Variants in MCM3AP observed in about 807,000 individuals in gnomAD.
MCM3AP encodes germinal-center associated nuclear protein.
Under a neutral mutation model 184.1 loss-of-function variants are expected in MCM3AP, and 126 were observed. The ratio of observed to expected loss-of-function variants is 0.68; its 90% confidence interval spans 0.59 to 0.79. The LOEUF is 0.79. Ranked by LOEUF, MCM3AP falls within the 30% of genes least tolerant of loss-of-function variation. The pLI is 0.00. For synonymous variants in MCM3AP, 1,002 were observed against 979.3 expected (o/e 1.02, Z -0.43); for missense variants, 2,496 against 2,479.2 (o/e 1.01, Z -0.14).
At chr21:46,252,382 A>G (rs919175937) in intron 19 of MCM3AP, 2 of 152,214 alleles carry the variant, frequency 1.3e-5, no homozygotes, top group African/African-American at 4.8e-5. Context: ...AAATGAGAAG[A>G]CAGCTATTTT....
intron 8 of MCM3AP, among the ~76,000 whole-genome samples, chr21:46,272,031 G>C (rs2081187336): frequency 6.6e-6 from 1 of 151,846 alleles, no homozygotes. Flanking sequence ...CAAGCAGAGG[G>C]TCCACCACAA....
chr21:46,251,885 T>A, intron 19 of MCM3AP: 2 of 291,900 alleles, frequency 6.9e-6, no homozygotes, highest in South Asian at 9.3e-5. Context: ...CTCGTTCTTT[T>A]TTTTTTTTTT....
At chr21:46,254,547 T>C in intron 18 of MCM3AP, 21 bp from the exon 19 acceptor site, 1 of 1,613,774 alleles carries the variant, frequency 6.2e-7, no homozygotes. Flanking sequence ...CAGACCACCG[T>C]GGATTAGCCA....
chr21:46,247,187 C>T (rs1201316076), intron 20 of MCM3AP: 3 of 300,440 alleles, frequency 1.0e-5, no homozygotes, highest in Admixed American at 4.5e-5. Flanking sequence ...TTGCTGGGCT[C>T]GAGCAGTCCT....
chr21:46,282,575 C>T (rs2081347141), intron 2 of MCM3AP, among the ~76,000 whole-genome samples: 1 of 152,072 alleles, frequency 6.6e-6, no homozygotes, highest in Non-Finnish European at 1.5e-5. Context: ...GAGGCCGAGG[C>T]AGGCAGATCG....
chr21:46,250,133 TTAAG>T lies in MCM3AP; in HGVS notation c.4290+1392_4290+1395del, dbSNP rs1299273929. The T allele has an allele frequency of 5.3e-5, 8 of 150,156 alleles. No homozygotes were observed. In the East Asian group the frequency reaches 1.5e-3, roughly 29 times the overall value. 9.3% of individuals were successfully genotyped at this position (150,156 alleles called of 1,614,324 possible). ...AATTAAAGAGATAAAGAGAACTACA[TTAAG>T]TGAGACAATAAGGCAACTCTATTTC... On this transcript the variant is annotated intron_variant, in intron 20 of 27. Coordinates refer to ENST00000291688, the MANE Select transcript of MCM3AP (RefSeq NM_003906.5).
At chr21:46,276,135 C>G (rs2081251693) in intron 5 of MCM3AP, among the ~76,000 whole-genome samples, 1 of 151,924 alleles carries the variant, frequency 6.6e-6, no homozygotes, top group Non-Finnish European at 1.5e-5. Flanking sequence ...GGCTGTAGTC[C>G]CAGCTACTCA....
chr21:46,283,518 T>C (rs918691272), intron 2 of MCM3AP, 97 bp downstream of exon 2: 5 of 730,184 alleles, frequency 6.8e-6, no homozygotes, highest in Admixed American at 2.5e-5. Context: ...CTCTATATTA[T>C]AGTAAGCAAA....
chr21:46,271,911 T>C (rs896763046), intron 8 of MCM3AP, among the ~76,000 whole-genome samples: 1 of 151,736 alleles, frequency 6.6e-6, no homozygotes, highest in Non-Finnish European at 1.5e-5. Flanking sequence ...CTAGATATTC[T>C]GTCACACAGT....
intron 14 of MCM3AP, among the ~76,000 whole-genome samples, 155 bp from the exon 15 acceptor site, chr21:46,261,061 C>T (rs2081035148): frequency 6.6e-6 from 1 of 152,230 alleles, no homozygotes; most frequent in Non-Finnish European, 1.5e-5. Context: ...ACCTCCCTTC[C>T]CCTGCCTTTC....
At chr21:46,266,299 G>A (rs149024257) in intron 10 of MCM3AP, 133 bp from the exon 11 acceptor site, 27,994 of 1,014,626 alleles carry the variant, frequency 0.028, 513 homozygotes, top group Non-Finnish European at 0.033. Context: ...AAGCACAGGC[G>A]CCAGGTCCCA....
intron 20 of MCM3AP, chr21:46,250,058 T>G (rs571659370): frequency 1.3e-5 from 2 of 152,840 alleles, no homozygotes; most frequent in East Asian, 3.9e-4. Flanking sequence ...TCAAGTGAAG[T>G]GACAGAACAT....
intron 14 of MCM3AP, 130 bp from the exon 15 acceptor site, chr21:46,261,036 A>G: frequency 1.2e-6 from 1 of 828,700 alleles, no homozygotes; most frequent in East Asian, 2.6e-5. Flanking sequence ...CCCCTACTCC[A>G]GCTCCCCTGA....
At chr21:46,262,157 G>C (rs1251676937) in intron 13 of MCM3AP, among the ~76,000 whole-genome samples, 1 of 152,178 alleles carries the variant, frequency 6.6e-6, no homozygotes, top group South Asian at 2.1e-4. Flanking sequence ...CCTATAACTA[G>C]TAAGGAGACT....
At position 46,264,616 on chromosome 21, in the gene MCM3AP, T is replaced by A. The variant is rs114374928; in HGVS notation, c.3235-399A>T. 1.8e-3 allele frequency among the ~76,000 whole-genome samples: 281 copies of A among 152,286 alleles called. 2 individuals carry two copies. The highest frequency in any genetic ancestry group is 6.5e-3 in the African/African-American group (272 of 41,554). On this transcript the variant is annotated intron_variant, in intron 12 of 27. Transcript: ENST00000291688. ...AGGCTCTACTCAATATCAAGGCACC[T>A]GTCGGGACCATGCCCACCCTGAGGC...
At chr21:46,253,142 A>C (rs2080898334) in intron 19 of MCM3AP, 2 of 676 alleles carry the variant, frequency 3.0e-3, no homozygotes, top group Non-Finnish European at 4.7e-3. Context: ...ACCCTGTCTC[A>C]AAAAAACACA....
intron 19 of MCM3AP, chr21:46,252,324 T>C (rs563368002): frequency 6.6e-6 from 1 of 152,166 alleles, no homozygotes; most frequent in Non-Finnish European, 1.5e-5. Flanking sequence ...AGATCAAATT[T>C]CTCATACCTG....
At chr21:46,247,248 T>C (rs1466483139) in intron 20 of MCM3AP, 2 of 210,410 alleles carry the variant, frequency 9.5e-6, no homozygotes, top group Admixed American at 5.2e-5. Flanking sequence ...GGAGCCACCA[T>C]GCCTAGCTTC....
rs778311952 is a variant in MCM3AP at position 46,254,759 on chromosome 21, G to A, written c.4001+17C>T. 1.1e-5 allele frequency: 17 copies of A among 1,610,162 alleles called. No homozygotes were observed. The highest frequency in any genetic ancestry group is 8.3e-5 in the Admixed American group (5 of 60,002). On this transcript the variant is annotated intron_variant, in intron 18 of 27. Coordinates refer to ENST00000291688, the MANE Select transcript of MCM3AP (RefSeq NM_003906.5). ...GGGATCACCAGGGGGTGCGCAGAAGGGTGCAGCATGACAGACCTCAGCAGC... is the reference window on the plus strand; with the variant it reads ...GGGATCACCAGGGGGTGCGCAGAAGAGTGCAGCATGACAGACCTCAGCAGC...
Sources: allele counts gnomAD v4.1 joint callset (sites outside exome capture counted in the v4.1 genomes callset), GRCh38; gene constraint gnomAD v4.1.1; transcripts MANE v1.5; gene names NCBI Gene and HGNC (gene_info 2026-07-23, HGNC 2026-07-21).